Variants in SLC5A4 observed in about 807,000 individuals in gnomAD.
The protein encoded by SLC5A4 is probable glucose sensor protein SLC5A4.
SLC5A4 carries 55 observed loss-of-function variants against 70.3 expected under a neutral mutation model. That is an observed-to-expected ratio of 0.78 (90% CI 0.63 to 0.98). The LOEUF (loss-of-function observed/expected upper bound fraction) is 0.98. Among genes scored for constraint, SLC5A4 ranks in the 50% least tolerant of loss-of-function variants. The pLI is 0.00. For synonymous variants in SLC5A4, 268 were observed against 305.7 expected (o/e 0.88, Z 1.29); for missense variants, 735 against 839.2 (o/e 0.88, Z 1.53).
chr22:32,222,436 A>T (rs1925140305), intron 13 of SLC5A4, among the ~76,000 whole-genome samples: 1 of 152,224 alleles, frequency 6.6e-6, no homozygotes, highest in South Asian at 2.1e-4. Flanking sequence ...CATGATATTT[A>T]TCAGTCTATT....
At chr22:32,316,966 A>C in the SLC5A4 span, among the ~76,000 whole-genome samples, 1 of 99,988 alleles carries the variant, frequency 1.0e-5, no homozygotes, top group African/African-American at 4.2e-5. Flanking sequence ...GTGTGTGTAA[A>C]ACACAGTCTA....
chr22:32,336,850 T>C, the SLC5A4 span, among the ~76,000 whole-genome samples: 71 of 152,378 alleles, frequency 4.7e-4, no homozygotes, highest in Non-Finnish European at 7.8e-4. Flanking sequence ...GGGCCTGGCC[T>C]TTTTTGTCTT....
At chr22:32,227,955 A>T (rs1181481905) in intron 11 of SLC5A4, among the ~76,000 whole-genome samples, 5 of 151,334 alleles carry the variant, frequency 3.3e-5, no homozygotes, top group Non-Finnish European at 7.4e-5. Context: ...CGACAGCAAG[A>T]CTCTGTCTTG....
chr22:32,318,617 C>T, the SLC5A4 span, among the ~76,000 whole-genome samples: 2 of 152,210 alleles, frequency 1.3e-5, no homozygotes, highest in African/African-American at 4.8e-5. Flanking sequence ...GCTGCCTCCA[C>T]CACTCCTACT....
At chr22:32,288,259 G>A in the SLC5A4 span, among the ~76,000 whole-genome samples, 1 of 152,142 alleles carries the variant, frequency 6.6e-6, no homozygotes, top group Non-Finnish European at 1.5e-5. Context: ...TGACCAGAGG[G>A]GCGCACAGGA....
chr22:32,344,956 T>C, the SLC5A4 span, among the ~76,000 whole-genome samples: 1 of 152,174 alleles, frequency 6.6e-6, no homozygotes, highest in African/African-American at 2.4e-5. Flanking sequence ...TGTTTGTGTA[T>C]ACAGCTAATT....
chr22:32,331,783 G>A, the SLC5A4 span, among the ~76,000 whole-genome samples: 1 of 152,078 alleles, frequency 6.6e-6, no homozygotes, highest in South Asian at 2.1e-4. Flanking sequence ...CAGATCCCAT[G>A]CCCCTCGGCT....
intron 5 of SLC5A4, among the ~76,000 whole-genome samples, chr22:32,246,453 T>C (rs966399144): frequency 2.6e-5 from 4 of 152,244 alleles, no homozygotes; most frequent in Non-Finnish European, 1.5e-5. Flanking sequence ...CTTTGTTTTT[T>C]ACATGTGCTG....
chr22:32,239,967 T>A (rs1201516383), intron 5 of SLC5A4, among the ~76,000 whole-genome samples: 19 of 131,618 alleles, frequency 1.4e-4, no homozygotes, highest in African/African-American at 5.6e-4. Flanking sequence ...GAGCTTGCAG[T>A]GAGCAGAGAT....
intron 5 of SLC5A4, among the ~76,000 whole-genome samples, chr22:32,239,557 TA>T (rs1569374872): frequency 0.019 from 428 of 22,806 alleles, 11 homozygotes; most frequent in Non-Finnish European, 0.024. Context: ...TATATATATA[TA>T]TATATATATA....
At chr22:32,245,460 T>G (rs1926764786) in intron 5 of SLC5A4, among the ~76,000 whole-genome samples, 1 of 152,232 alleles carries the variant, frequency 6.6e-6, no homozygotes, top group Admixed American at 6.5e-5. Context: ...CCCTTTTCAC[T>G]GTGCATTGTC....
chr22:32,251,455 C>T (rs1278515560), intron 3 of SLC5A4, among the ~76,000 whole-genome samples: 1 of 151,914 alleles, frequency 6.6e-6, no homozygotes, highest in African/African-American at 2.4e-5. Context: ...CTCTCCTCCC[C>T]TTTTCTCTTC....
chr22:32,311,538 C>A, the SLC5A4 span, among the ~76,000 whole-genome samples: 4 of 152,306 alleles, frequency 2.6e-5, no homozygotes, highest in African/African-American at 9.6e-5. Flanking sequence ...GTGGATGTTA[C>A]GGGCATCTAG....
chr22:32,300,789 A>T, the SLC5A4 span, among the ~76,000 whole-genome samples: 1 of 152,212 alleles, frequency 6.6e-6, no homozygotes, highest in Non-Finnish European at 1.5e-5. Flanking sequence ...CAATTTGTTT[A>T]ACCATTCTCC....
chr22:32,312,351 TCA>T, the SLC5A4 span, among the ~76,000 whole-genome samples: 4 of 110,626 alleles, frequency 3.6e-5, no homozygotes, highest in African/African-American at 1.1e-4. Flanking sequence ...ACACCCCAAA[TCA>T]CACGCGCGCG....
chr22:32,238,556 C>T (rs776846690), intron 6 of SLC5A4, among the ~76,000 whole-genome samples: 6 of 152,196 alleles, frequency 3.9e-5, no homozygotes, highest in Non-Finnish European at 8.8e-5. Context: ...CCCACTGCTC[C>T]AGTTCTCCTC....
chr22:32,294,412 A>C, the SLC5A4 span, among the ~76,000 whole-genome samples: 1 of 152,136 alleles, frequency 6.6e-6, no homozygotes, highest in Non-Finnish European at 1.5e-5. Context: ...ACATTCTTTT[A>C]CTTGGTTTCC....
At chr22:32,246,110 A>G (rs1271568239) in intron 5 of SLC5A4, among the ~76,000 whole-genome samples, 2 of 152,218 alleles carry the variant, frequency 1.3e-5, no homozygotes, top group Admixed American at 6.5e-5. Context: ...ATTTTAGTAC[A>G]TTTACATGTA....
chr22:32,306,766 C>A, the SLC5A4 span, among the ~76,000 whole-genome samples: 34 of 151,934 alleles, frequency 2.2e-4, no homozygotes, highest in Non-Finnish European at 3.8e-4. Context: ...CCCTTGCAGC[C>A]CCCCACCTCG....
Sources: gnomAD v4.1 joint callset for allele counts (sites outside exome capture counted in the v4.1 genomes callset) on GRCh38, gnomAD v4.1.1 for gene constraint, MANE v1.5 for transcripts, NCBI Gene and HGNC (gene_info 2026-07-23, HGNC 2026-07-21) for gene names.